The following CCR3 variants were observed in gnomAD, a reference collection of about 807,000 sequenced individuals.
The protein encoded by CCR3 is C-C chemokine receptor type 3.
For synonymous variants in CCR3, 203 were observed against 179.2 expected, an observed-to-expected ratio of 1.13 and a Z score of -1.06; for missense variants, 419 against 437.5, an observed-to-expected ratio of 0.96 and a Z score of 0.38.
At chr3:46,222,181 A>G (rs1188854126) in intron 2 of CCR3, among the ~76,000 whole-genome samples, 1 of 152,214 alleles carries the variant, frequency 6.6e-6, no homozygotes, top group Non-Finnish European at 1.5e-5. Flanking sequence ...AGGACCATGT[A>G]TCATGCCACA....
At chr3:46,229,659 A>G (rs1357920253) in intron 2 of CCR3, among the ~76,000 whole-genome samples, 3 of 152,180 alleles carry the variant, frequency 2.0e-5, no homozygotes, top group African/African-American at 7.2e-5. Flanking sequence ...TATTTAACAG[A>G]TGTGTACAGC....
chr3:46,239,085 A>T (rs1446980859), upstream of CCR3, among the ~76,000 whole-genome samples: 4 of 152,230 alleles, frequency 2.6e-5, no homozygotes, highest in Admixed American at 1.3e-4. Context: ...CAAGCAAATG[A>T]CACTTCAATA....
chr3:46,252,239 G>A (rs573031794), intron 1 of CCR3, among the ~76,000 whole-genome samples: 7 of 138,450 alleles, frequency 5.1e-5, no homozygotes, highest in South Asian at 2.4e-4. Context: ...GGAGTGGCAC[G>A]ATCTCAGCTC....
At position 46,265,221 on chromosome 3, in the gene CCR3, C is replaced by G. The variant is rs758559990; in HGVS notation, c.63C>G (p.Gly21=). ...FGTTSYYDDV[G]LLCEKADTRA... The stretch of plus-strand genomic sequence containing the variant: ...CCACATCCTACTATGATGACGTGGG[C>G]CTGCTCTGTGAAAAAGCTGATACCA... Residue 21 remains glycine, a synonymous_variant, in exon 2 of 2, where the codon GGC becomes GGG. Coordinates refer to ENST00000395940, the MANE Select transcript of CCR3 (RefSeq NM_178329.3). 6.2e-7 allele frequency: 1 copy of G among 1,614,002 alleles called. No individual in the cohort carries two copies. The highest frequency in any genetic ancestry group is 8.5e-7 in the Non-Finnish European group (1 of 1,179,942).
At chr3:46,264,544 G>C (rs185056933) in intron 1 of CCR3, 1 of 754,636 alleles carries the variant, frequency 1.3e-6, no homozygotes, top group Admixed American at 3.2e-5. Context: ...AGAGACTAAA[G>C]ATCTAGCCCA....
intron 1 of CCR3, chr3:46,263,465 G>A (rs1304848090): frequency 1.3e-5 from 2 of 154,864 alleles, no homozygotes; most frequent in African/African-American, 4.8e-5. Context: ...TTGTTCCTCA[G>A]TCCATTTTCC....
intron 2 of CCR3, among the ~76,000 whole-genome samples, chr3:46,223,693 G>A (rs1330456094): frequency 3.3e-5 from 5 of 152,122 alleles, no homozygotes; most frequent in South Asian, 2.1e-4. Context: ...ACATTATCAC[G>A]TGTCACTTGT....
chr3:46,230,130 G>A (rs1699944958), intron 2 of CCR3, among the ~76,000 whole-genome samples: 1 of 152,094 alleles, frequency 6.6e-6, no homozygotes, highest in African/African-American at 2.4e-5. Context: ...CATGGAAACA[G>A]AAAGGGGTGC....
intron 1 of CCR3, among the ~76,000 whole-genome samples, chr3:46,250,087 C>A (rs1179984804): frequency 1.3e-5 from 2 of 151,988 alleles, no homozygotes; most frequent in Non-Finnish European, 2.9e-5. Flanking sequence ...ATGAACTGGG[C>A]TGGGTTTTTA....
chr3:46,251,201 C>A (rs895145080), intron 1 of CCR3, among the ~76,000 whole-genome samples: 2 of 152,028 alleles, frequency 1.3e-5, no homozygotes, highest in African/African-American at 2.4e-5. Flanking sequence ...GGTCTGACAC[C>A]CTTGAAACGT....
In CCR3 at chr3:46,217,367, G is replaced by A. The variant is rs193013542; in HGVS notation, c.-68+6460G>A. On this transcript the variant is annotated intron_variant, in intron 2 of 3. Transcript: ENST00000357422. ...ATTGATGGCAACACAATAGTCGTAG[G>A]GGAAGTCAGTACTCTTCTGACAGTA... Among the ~76,000 whole-genome samples, 444 of 152,208 alleles carry A rather than the reference G, an allele frequency of 2.9e-3. 9 individuals carry two copies. The highest frequency in any genetic ancestry group is 0.024 in the Admixed American group (371 of 15,300).
chr3:46,231,057 TG>T (rs913728298), intron 2 of CCR3, among the ~76,000 whole-genome samples: 1 of 152,162 alleles, frequency 6.6e-6, no homozygotes, highest in African/African-American at 2.4e-5. Flanking sequence ...CCCGAGTAGC[TG>T]GGATTACAGG....
chr3:46,265,120 G>A, intron 1 of CCR3, 28 bp from the exon 2 acceptor site: 1 of 1,407,212 alleles, frequency 7.1e-7, no homozygotes, highest in Non-Finnish European at 9.9e-7. Context: ...CTTCATTGTG[G>A]GATTGTATTT....
Position 46,265,591 on chromosome 3 carries a change from C to G in CCR3, c.433C>G (p.Arg145Gly), listed in dbSNP as rs567984457. Residue 145 changes from arginine to glycine, a missense_variant, in exon 2 of 2, where the codon CGG becomes GGG. Arg to Gly is a moderately radical substitution (Grantham distance 125). Transcript: ENST00000395940. ...CCATGCTGTGTTTGCCCTTCGAGCC[C>G]GGACTGTCACTTTTGGTGTCATCAC... ...IVHAVFALRA[R>G]TVTFGVITSI... is the part of the protein sequence containing the mutation. 1 of 1,614,124 alleles carries G rather than the reference C, an allele frequency of 6.2e-7. No individual in the cohort carries two copies. Among genetic ancestry groups the G allele is most frequent in the Non-Finnish European group, 8.5e-7 (1 of 1,180,012 alleles).
rs1187011213 is a variant in CCR3 at position 46,247,643 on chromosome 3, G to A, written c.-12+5105G>A. Among the ~76,000 whole-genome samples, 4 of 152,224 alleles carry A rather than the reference G, an allele frequency of 2.6e-5. No homozygotes were observed. The East Asian group carries it at 5.8e-4, about 22-fold the overall frequency. ...GTCTGTTATCAGACTGTATAGAGGT[G>A]GGAAGGCTAAACTGAGGAATTATGT... On this transcript the variant is annotated intron_variant, in intron 1 of 1. Coordinates refer to ENST00000395940, the MANE Select transcript of CCR3 (RefSeq NM_178329.3).
intron 1 of CCR3, chr3:46,264,633 T>G (rs1575513598): frequency 1.8e-6 from 1 of 559,306 alleles, no homozygotes; most frequent in African/African-American, 2.0e-5. Context: ...TTAACTATAA[T>G]GAATGGCTCA....
intron 1 of CCR3, among the ~76,000 whole-genome samples, chr3:46,261,834 T>TGGGCCA (rs983897768): frequency 3.3e-5 from 5 of 152,196 alleles, no homozygotes; most frequent in African/African-American, 1.2e-4. Context: ...GTGCATAGCC[T>TGGGCCA]GGGCCAGGGC....
At chr3:46,254,790 T>C (rs937320352) in intron 1 of CCR3, among the ~76,000 whole-genome samples, 3 of 152,200 alleles carry the variant, frequency 2.0e-5, no homozygotes, top group African/African-American at 7.2e-5. Context: ...TCTAATTCCA[T>C]CTAGGTTGCT....
At chr3:46,230,349 T>C (rs1187446028) in intron 2 of CCR3, among the ~76,000 whole-genome samples, 1 of 152,122 alleles carries the variant, frequency 6.6e-6, no homozygotes, top group East Asian at 1.9e-4. Context: ...GACATGGGCC[T>C]CTGGAGTGGA....
Sources: gnomAD v4.1 joint callset for allele counts (sites outside exome capture counted in the v4.1 genomes callset) on GRCh38, gnomAD v4.1.1 for gene constraint, MANE v1.5 for transcripts, NCBI Gene and HGNC (gene_info 2026-07-23, HGNC 2026-07-21) for gene names.